The following VPS8 variants were observed in gnomAD, a reference collection of about 807,000 sequenced individuals.
VPS8 encodes the protein vacuolar protein sorting-associated protein 8 homolog.
A neutral mutation model predicts 216.4 loss-of-function variants in VPS8; 129 were observed. The ratio of observed to expected loss-of-function variants is 0.60; its 90% CI spans 0.52 to 0.69. The LOEUF (loss-of-function observed/expected upper bound fraction) is 0.69. Among genes scored for constraint, VPS8 ranks in the 30% least tolerant of loss-of-function variants. VPS8 has a pLI of 0.00. For synonymous variants in VPS8, 571 were observed against 565.4 expected (o/e 1.01, Z -0.14); for missense variants, 1,531 against 1,683.5 (o/e 0.91, Z 1.59).
chr3:184,819,350 T>C (rs891958622), intron 1 of VPS8, among the ~76,000 whole-genome samples: 2 of 152,210 alleles, frequency 1.3e-5, no homozygotes. Context: ...TGTTTTGTTA[T>C]GTGCAAGTAC....
chr3:185,020,235 T>C (rs1756451401), intron 45 of VPS8, among the ~76,000 whole-genome samples: 1 of 152,244 alleles, frequency 6.6e-6, no homozygotes, highest in South Asian at 2.1e-4. Context: ...GTCTAGGCAG[T>C]GAATGAACTG....
intron 36 of VPS8, among the ~76,000 whole-genome samples, chr3:184,940,961 AGAT>A (rs1386748931): frequency 6.6e-6 from 1 of 152,222 alleles, no homozygotes; most frequent in Admixed American, 6.5e-5. Flanking sequence ...TTAAAAATTC[AGAT>A]GGCTTGTCCC....
At chr3:185,024,429 T>A in intron 46 of VPS8, 40 bp downstream of exon 46, 1 of 1,543,530 alleles carries the variant, frequency 6.5e-7, no homozygotes. Context: ...TTCTTCCTTC[T>A]GTATGTTTAT....
At chr3:185,038,790 C>A (rs11926671) in intron 46 of VPS8, among the ~76,000 whole-genome samples, 1 of 152,094 alleles carries the variant, frequency 6.6e-6, no homozygotes, top group Non-Finnish European at 1.5e-5. Flanking sequence ...GTTGGAAGCA[C>A]GGAGGGGCAG....
chr3:184,836,956 T>A (rs1721208992), intron 5 of VPS8, among the ~76,000 whole-genome samples: 1 of 152,246 alleles, frequency 6.6e-6, no homozygotes, highest in Non-Finnish European at 1.5e-5. Flanking sequence ...TCTTTATTAT[T>A]TTTATGATCA....
At chr3:184,981,768 G>A (rs1338970805) in intron 40 of VPS8, among the ~76,000 whole-genome samples, 1 of 152,116 alleles carries the variant, frequency 6.6e-6, no homozygotes, top group Admixed American at 6.5e-5. Flanking sequence ...TAAGGTTTAG[G>A]AAGAACACAG....
At chr3:184,936,501 G>A (rs1434656988) in intron 35 of VPS8, among the ~76,000 whole-genome samples, 166 bp downstream of exon 35, 1 of 140,996 alleles carries the variant, frequency 7.1e-6, no homozygotes, top group African/African-American at 2.7e-5. Context: ...TTCTTTAATG[G>A]CACCAACCTA....
rs1258077712 is a variant in VPS8, at chr3:185,052,234, CA to C, written c.*210del. The C allele has an allele frequency of 2.1e-6, 1 of 482,244 alleles. No individual in the cohort carries two copies. Among genetic ancestry groups the C allele is most frequent in the African/African-American group, 2.0e-5 (1 of 49,712 alleles). 29.9% of individuals were successfully genotyped at this position (482,244 alleles called of 1,614,324 possible). On this transcript the variant is annotated 3_prime_UTR_variant, in exon 48 of 48. Coordinates refer to ENST00000625842, the MANE Select transcript of VPS8 (RefSeq NM_001009921.3). The stretch of plus-strand genomic sequence containing the variant: ...CATTGCTGTCATGGCGTCAGTTCAC[CA>C]GACTCATTGATTTTGTTTTGCTTGT...
intron 36 of VPS8, among the ~76,000 whole-genome samples, chr3:184,949,539 C>T (rs960512529): frequency 2.0e-5 from 3 of 151,714 alleles, no homozygotes; most frequent in African/African-American, 7.3e-5. Context: ...CTATGTGGAT[C>T]GTGGCGGTCT....
intron 8 of VPS8, among the ~76,000 whole-genome samples, chr3:184,845,755 CA>C (rs36003760): frequency 0.059 from 4,728 of 80,572 alleles, 103 homozygotes; most frequent in African/African-American, 0.15. Flanking sequence ...AACTCCGTCT[CA>C]AAAAAAAAAA....
intron 36 of VPS8, among the ~76,000 whole-genome samples, chr3:184,946,422 G>A (rs1246214350): frequency 6.6e-6 from 1 of 152,238 alleles, no homozygotes. Context: ...GTCACAAGAC[G>A]GAGTAAACCA....
intron 46 of VPS8, among the ~76,000 whole-genome samples, chr3:185,032,559 G>A (rs1232467230): frequency 2.0e-5 from 3 of 152,212 alleles, no homozygotes; most frequent in African/African-American, 7.2e-5. Flanking sequence ...GGGTCAGGCT[G>A]AGAATAGGTC....
At chr3:184,893,145 C>T (rs1732693236) in intron 22 of VPS8, 1 of 619,690 alleles carries the variant, frequency 1.6e-6, no homozygotes, top group Non-Finnish European at 2.1e-6. Flanking sequence ...TGGATTTTCC[C>T]TAGAATGTTG....
At chr3:184,967,022 A>C (rs1019041672) in intron 39 of VPS8, among the ~76,000 whole-genome samples, 1 of 150,422 alleles carries the variant, frequency 6.6e-6, no homozygotes. Flanking sequence ...GATGGAGTGC[A>C]GTGGCACAAT....
chr3:185,002,949 C>T (rs1026376615), intron 45 of VPS8, among the ~76,000 whole-genome samples: 9 of 151,964 alleles, frequency 5.9e-5, no homozygotes, highest in Non-Finnish European at 1.2e-4. Flanking sequence ...ACTTATTTTC[C>T]TTTGGGTAGA....
At chr3:184,869,169 T>C (rs964502311) in intron 19 of VPS8, 133 bp downstream of exon 19, 16 of 837,942 alleles carry the variant, frequency 1.9e-5, no homozygotes, top group Middle Eastern at 2.4e-4. Context: ...TTAAACCTTA[T>C]AGACTTTCAG....
At chr3:184,931,589 T>G (rs186629154) in intron 34 of VPS8, among the ~76,000 whole-genome samples, 1 of 152,188 alleles carries the variant, frequency 6.6e-6, no homozygotes, top group Non-Finnish European at 1.5e-5. Flanking sequence ...AACATCTTCT[T>G]GTGAAATAAC....
At chr3:184,987,195 C>T (rs1473376528) in intron 42 of VPS8, among the ~76,000 whole-genome samples, 1 of 152,130 alleles carries the variant, frequency 6.6e-6, no homozygotes, top group Non-Finnish European at 1.5e-5. Context: ...CTCACTGCAA[C>T]GTCCACCTCC....
At chr3:185,004,087 G>A (rs933734083) in intron 45 of VPS8, among the ~76,000 whole-genome samples, 13 of 152,230 alleles carry the variant, frequency 8.5e-5, no homozygotes, top group Admixed American at 2.6e-4. Flanking sequence ...TGGCGGCCAG[G>A]CAGAGGCTGC....
Sources: gnomAD v4.1 joint callset for allele counts (sites outside exome capture counted in the v4.1 genomes callset) on GRCh38, gnomAD v4.1.1 for gene constraint, MANE v1.5 for transcripts, NCBI Gene and HGNC (gene_info 2026-07-23, HGNC 2026-07-21) for gene names.